The following GREB1L variants were observed in gnomAD, a reference collection of about 807,000 sequenced individuals.
The protein encoded by GREB1L is GREB1 like retinoic acid receptor coactivator.
Under a neutral mutation model 200.8 loss-of-function variants are expected in GREB1L, and 17 were observed. The observed-to-expected ratio is 0.08, with a 90% confidence interval of 0.06 to 0.13. GREB1L has a LOEUF of 0.13. Among genes scored for constraint, GREB1L ranks in the 10% least tolerant of loss-of-function variants. The pLI is 1.00. For missense variants in GREB1L, 1,657 were observed against 2,367.7 expected (o/e 0.70, Z 6.23); for synonymous variants, 789 against 893.0 (o/e 0.88, Z 2.08).
intron 8 of GREB1L, among the ~76,000 whole-genome samples, chr18:21,440,064 C>A (rs1229339964): frequency 6.6e-6 from 1 of 152,106 alleles, no homozygotes; most frequent in African/African-American, 2.4e-5. Context: ...AAACAACATA[C>A]AGATGTTAAG....
chr18:21,349,431 G>A (rs1422724187), intron 1 of GREB1L, among the ~76,000 whole-genome samples: 1 of 152,120 alleles, frequency 6.6e-6, no homozygotes, highest in African/African-American at 2.4e-5. Context: ...GCCTTTGATA[G>A]TCTGTTCTGT....
At chr18:21,397,319 C>T (rs1309373506) in intron 5 of GREB1L, among the ~76,000 whole-genome samples, 1 of 151,094 alleles carries the variant, frequency 6.6e-6, no homozygotes, top group East Asian at 1.9e-4. Context: ...GGTGAAACCC[C>T]GTCTCTACTA....
At position 21,395,322 on chromosome 18, in the gene GREB1L, T is replaced by C. The variant is rs891948545; in HGVS notation, c.356-63T>C. Reference sequence around the variant, plus strand: ...AAAATAAATCTACTCTCCAAATGAGTGATAAGAAGATATAATCTCACTAAA... The same window carrying C: ...AAAATAAATCTACTCTCCAAATGAGCGATAAGAAGATATAATCTCACTAAA... On this transcript the variant is annotated intron_variant, in intron 4 of 32. Coordinates refer to ENST00000424526, the MANE Select transcript of GREB1L (RefSeq NM_001142966.3). 2.0e-5 allele frequency: 25 copies of C among 1,244,196 alleles called. No individual in the cohort carries two copies. In the African/African-American group the frequency reaches 3.0e-4, roughly 15 times the overall value. 77.1% of individuals were successfully genotyped at this position (1,244,196 alleles called of 1,614,324 possible).
At chr18:21,382,855 G>T (rs1386245943) in intron 2 of GREB1L, among the ~76,000 whole-genome samples, 1 of 152,102 alleles carries the variant, frequency 6.6e-6, no homozygotes, top group African/African-American at 2.4e-5. Context: ...GAGAAGTAAA[G>T]GTCATGACTT....
chr18:21,243,559 A>G (rs1038396838), intron 1 of GREB1L, among the ~76,000 whole-genome samples: 3 of 152,218 alleles, frequency 2.0e-5, no homozygotes, highest in Non-Finnish European at 4.4e-5. Context: ...GTTTAAATAC[A>G]GGGAAGAGCT....
intron 1 of GREB1L, among the ~76,000 whole-genome samples, chr18:21,263,997 T>C (rs2037928367): frequency 6.6e-6 from 1 of 152,220 alleles, no homozygotes; most frequent in African/African-American, 2.4e-5. Flanking sequence ...CTCATCTCTT[T>C]ACAGTTGAAT....
rs1339239421 is a variant in GREB1L, at chr18:21,366,047, A to C, written c.-99A>C. 6.6e-6 allele frequency: 1 copy of C among 152,154 alleles called. No individual in the cohort carries two copies. Among genetic ancestry groups the C allele is most frequent in the Non-Finnish European group, 1.5e-5 (1 of 68,000 alleles). 9.4% of individuals were successfully genotyped at this position (152,154 alleles called of 1,614,324 possible). ...TGCAGGTGCACAAAAAGCTTTAAAC[A>C]AGTTAAAATCTAGGCAACAGACTCC... is the stretch of plus-strand genomic sequence containing the variant. On this transcript the variant is annotated 5_prime_UTR_variant, in exon 2 of 33. Transcript: ENST00000424526.
In GREB1L at chr18:21,523,954, G is replaced by A. The variant is rs573665324; in HGVS notation, c.*1133G>A. ...AAAATCAGCAGGGGGTGTTTGTCCAGTATCGGCAATGGGAGGCATATGTTT... is the reference window on the plus strand; with the variant it reads ...AAAATCAGCAGGGGGTGTTTGTCCAATATCGGCAATGGGAGGCATATGTTT... On this transcript the variant is annotated 3_prime_UTR_variant, in exon 33 of 33. Coordinates refer to ENST00000424526, the MANE Select transcript of GREB1L (RefSeq NM_001142966.3). 1 of 152,190 alleles carries A rather than the reference G, an allele frequency of 6.6e-6. No homozygotes were observed. Among genetic ancestry groups the A allele is most frequent in the Non-Finnish European group, 1.5e-5 (1 of 68,028 alleles). 9.4% of individuals were successfully genotyped at this position (152,190 alleles called of 1,614,324 possible).
chr18:21,459,291 T>G (rs2034926192), intron 15 of GREB1L, among the ~76,000 whole-genome samples: 1 of 143,300 alleles, frequency 7.0e-6, no homozygotes, highest in Non-Finnish European at 1.5e-5. Context: ...TTTTTTTTTT[T>G]TTTTTTTTTT....
intron 1 of GREB1L, among the ~76,000 whole-genome samples, chr18:21,321,420 C>G (rs2038949449): frequency 6.6e-6 from 1 of 150,406 alleles, no homozygotes; most frequent in South Asian, 2.1e-4. Flanking sequence ...CACGGTTGCT[C>G]ACACCTGTAA....
intron 16 of GREB1L, among the ~76,000 whole-genome samples, chr18:21,474,441 A>G (rs2035606506): frequency 6.6e-6 from 1 of 152,338 alleles, no homozygotes; most frequent in African/African-American, 2.4e-5. Flanking sequence ...GAGGTTCTCC[A>G]TGAGGGCCCC....
chr18:21,377,138 T>G (rs2143879258), intron 2 of GREB1L, among the ~76,000 whole-genome samples: 1 of 152,284 alleles, frequency 6.6e-6, no homozygotes, highest in South Asian at 2.1e-4. Flanking sequence ...CATTGTGGTT[T>G]GCAGCCTTTC....
At chr18:21,320,753 G>A (rs545753838) in intron 1 of GREB1L, among the ~76,000 whole-genome samples, 1 of 149,574 alleles carries the variant, frequency 6.7e-6, no homozygotes, top group Admixed American at 6.6e-5. Flanking sequence ...GCAACAGAAC[G>A]AGACTGTCTC....
chr18:21,449,873 T>C, intron 12 of GREB1L, 37 bp downstream of exon 12: 1 of 1,392,090 alleles, frequency 7.2e-7, no homozygotes, highest in South Asian at 1.5e-5. Flanking sequence ...GTTTAATCAA[T>C]TCATTCGACC....
intron 1 of GREB1L, among the ~76,000 whole-genome samples, chr18:21,329,945 C>G (rs2039081883): frequency 7.0e-6 from 1 of 142,692 alleles, no homozygotes; most frequent in Non-Finnish European, 1.5e-5. Context: ...TGGCACTCCT[C>G]TTTACCCACA....
At chr18:21,320,763 CAA>C (rs533673562) in intron 1 of GREB1L, among the ~76,000 whole-genome samples, 16 of 113,904 alleles carry the variant, frequency 1.4e-4, no homozygotes, top group African/African-American at 2.0e-4. Context: ...GAGACTGTCT[CAA>C]AAAAAAAAAA....
chr18:21,456,975 C>G (rs928564894), intron 15 of GREB1L, among the ~76,000 whole-genome samples: 1 of 152,106 alleles, frequency 6.6e-6, no homozygotes, highest in African/African-American at 2.4e-5. Flanking sequence ...TGTGGCCTCC[C>G]TGAGTTTGTG....
At chr18:21,460,331 T>C (rs898592364) in intron 15 of GREB1L, among the ~76,000 whole-genome samples, 7 of 151,658 alleles carry the variant, frequency 4.6e-5, no homozygotes, top group Admixed American at 1.3e-4. Flanking sequence ...TGTGCCACCA[T>C]GCCCAGCTAA....
intron 1 of GREB1L, among the ~76,000 whole-genome samples, chr18:21,271,921 C>G (rs2038085840): frequency 6.6e-6 from 1 of 152,122 alleles, no homozygotes; most frequent in Admixed American, 6.6e-5. Context: ...TGAGTTTAGA[C>G]CAACCAAAAT....
Sources: gnomAD v4.1 joint callset for allele counts (sites outside exome capture counted in the v4.1 genomes callset) on GRCh38, gnomAD v4.1.1 for gene constraint, MANE v1.5 for transcripts, NCBI Gene and HGNC (gene_info 2026-07-23, HGNC 2026-07-21) for gene names.